CTNNA3: variants seen among roughly 807,000 people sequenced by gnomAD.
CTNNA3 encodes the protein catenin alpha-3.
CTNNA3 carries 76 observed loss-of-function variants against 95.7 expected under a neutral mutation model. The observed-to-expected ratio is 0.79, with a 90% CI of 0.66 to 0.96. The LOEUF is 0.96. Ranked by LOEUF, CTNNA3 falls within the 40% of genes least tolerant of loss-of-function variation. CTNNA3 has a pLI of 0.00. For missense variants in CTNNA3, 1,191 were observed against 1,089.8 expected (o/e 1.09, Z -1.31); for synonymous variants, 431 against 374.4 (o/e 1.15, Z -1.74).
intron 7 of CTNNA3, among the ~76,000 whole-genome samples, chr10:66,812,964 C>A (rs1308121052): frequency 6.6e-6 from 1 of 152,102 alleles, no homozygotes; most frequent in African/African-American, 2.4e-5. Context: ...GAAACCCAAG[C>A]AGCAGTTATT....
intron 10 of CTNNA3, among the ~76,000 whole-genome samples, chr10:66,561,956 G>T (rs544483654): frequency 1.3e-5 from 2 of 152,014 alleles, no homozygotes; most frequent in African/African-American, 2.4e-5. Flanking sequence ...CAAAGATAAG[G>T]GATCGAGTAC....
intron 5 of CTNNA3, among the ~76,000 whole-genome samples, chr10:67,226,366 A>G (rs544853289): frequency 6.6e-5 from 10 of 152,310 alleles, no homozygotes; most frequent in African/African-American, 2.4e-4. Flanking sequence ...TACAAGAAAC[A>G]CAAAGAACAC....
intron 7 of CTNNA3, among the ~76,000 whole-genome samples, chr10:66,789,385 G>C (rs1039376592): frequency 6.6e-6 from 1 of 152,012 alleles, no homozygotes; most frequent in Non-Finnish European, 1.5e-5. Context: ...ATGTTGGCCA[G>C]GCTGGTCTTG....
At chr10:66,831,137 A>G (rs1842707142) in intron 7 of CTNNA3, among the ~76,000 whole-genome samples, 3 of 152,154 alleles carry the variant, frequency 2.0e-5, no homozygotes, top group Admixed American at 6.5e-5. Flanking sequence ...ACAATAATCA[A>G]TCTTATGTCC....
chr10:65,960,651 T>C (rs2077825049), intron 17 of CTNNA3, among the ~76,000 whole-genome samples: 1 of 152,218 alleles, frequency 6.6e-6, no homozygotes, highest in Non-Finnish European at 1.5e-5. Context: ...CCAACAGGAA[T>C]TTTTTCAGCT....
intron 13 of CTNNA3, among the ~76,000 whole-genome samples, chr10:66,104,759 C>T (rs950272459): frequency 6.6e-6 from 1 of 152,190 alleles, no homozygotes; most frequent in African/African-American, 2.4e-5. Flanking sequence ...CTTTCATGCA[C>T]ATATGGCTGC....
At chr10:66,071,040 C>T (rs1312904167) in intron 14 of CTNNA3, among the ~76,000 whole-genome samples, 3 of 152,110 alleles carry the variant, frequency 2.0e-5, no homozygotes, top group South Asian at 2.1e-4. Context: ...GTTTTAAGTG[C>T]TTCTATGATT....
intron 10 of CTNNA3, among the ~76,000 whole-genome samples, chr10:66,621,368 A>G (rs1306639823): frequency 6.6e-6 from 1 of 152,028 alleles, no homozygotes; most frequent in Non-Finnish European, 1.5e-5. Flanking sequence ...TCACGCCTGT[A>G]ATCCCAACAG....
intron 5 of CTNNA3, among the ~76,000 whole-genome samples, chr10:67,481,307 G>A (rs1239555131): frequency 6.6e-6 from 1 of 152,086 alleles, no homozygotes; most frequent in Non-Finnish European, 1.5e-5. Context: ...GAAATAAAAT[G>A]CATCCACATA....
intron 13 of CTNNA3, among the ~76,000 whole-genome samples, chr10:66,234,844 C>A (rs1243061143): frequency 6.6e-6 from 1 of 152,142 alleles, no homozygotes; most frequent in African/African-American, 2.4e-5. Context: ...TCCGAGATTA[C>A]CTTCCAAAAG....
intron 7 of CTNNA3, among the ~76,000 whole-genome samples, chr10:67,170,542 T>C (rs1371527623): frequency 6.6e-6 from 1 of 152,106 alleles, no homozygotes; most frequent in African/African-American, 2.4e-5. Context: ...CCACATATTC[T>C]CACTTATAAG....
At chr10:66,513,488 T>A (rs988261226) in intron 11 of CTNNA3, among the ~76,000 whole-genome samples, 15 of 152,084 alleles carry the variant, frequency 9.9e-5, no homozygotes, top group African/African-American at 3.4e-4. Flanking sequence ...CCCTGGGGAG[T>A]GCACACGCAC....
chr10:67,727,975 C>T (rs117736820), intron 1 of CTNNA3, among the ~76,000 whole-genome samples: 16,938 of 133,726 alleles, frequency 0.13, 1,554 homozygotes, highest in African/African-American at 0.27. Context: ...ATAGATGACA[C>T]ATAATACATA....
chr10:66,185,257 A>G (rs2086270319), intron 13 of CTNNA3, among the ~76,000 whole-genome samples: 1 of 152,182 alleles, frequency 6.6e-6, no homozygotes, highest in Non-Finnish European at 1.5e-5. Context: ...ATTAGTAGAT[A>G]GAGTTGGAGG....
At chr10:66,673,673 A>C (rs763188467) in intron 9 of CTNNA3, among the ~76,000 whole-genome samples, 4 of 152,114 alleles carry the variant, frequency 2.6e-5, no homozygotes, top group Admixed American at 6.6e-5. Flanking sequence ...CCACATCGTC[A>C]AAGGATATAC....
intron 5 of CTNNA3, among the ~76,000 whole-genome samples, chr10:67,398,840 ACTC>A (rs1326331005): frequency 3.3e-5 from 5 of 150,864 alleles, no homozygotes; most frequent in African/African-American, 1.2e-4. Flanking sequence ...TTTGCTTGGC[ACTC>A]CTCCTTCCTG....
intron 1 of CTNNA3, among the ~76,000 whole-genome samples, chr10:67,715,665 GC>G (rs1471542900): frequency 2.0e-5 from 3 of 152,120 alleles, no homozygotes; most frequent in African/African-American, 7.2e-5. Flanking sequence ...AGGAGTTAGA[GC>G]CCTAGCCAAG....
chr10:67,089,717 A>ATG (rs71006125), intron 7 of CTNNA3, among the ~76,000 whole-genome samples: 50,943 of 144,472 alleles, frequency 0.35, 9,082 homozygotes, highest in Non-Finnish European at 0.43. Flanking sequence ...GTATATACAT[A>ATG]TGTGTGTGTG....
At chr10:66,073,828 T>C (rs1021186330) in intron 14 of CTNNA3, among the ~76,000 whole-genome samples, 1 of 152,076 alleles carries the variant, frequency 6.6e-6, no homozygotes, top group Non-Finnish European at 1.5e-5. Flanking sequence ...AGGGTATCAA[T>C]TCCTCAAACA....
Sources: allele counts gnomAD v4.1 joint callset (sites outside exome capture counted in the v4.1 genomes callset), GRCh38; gene constraint gnomAD v4.1.1; transcripts MANE v1.5; gene names NCBI Gene and HGNC (gene_info 2026-07-23, HGNC 2026-07-21).